NSUN3: variants seen among roughly 807,000 people sequenced by gnomAD.
The protein encoded by NSUN3 is tRNA (cytosine(34)-C(5))-methyltransferase, mitochondrial.
A neutral mutation model predicts 36.8 loss-of-function variants in NSUN3; 24 were observed. That is an observed-to-expected ratio of 0.65 (90% CI 0.47 to 0.92). The LOEUF is 0.92. NSUN3 is among the 40% of genes least tolerant of loss of function. NSUN3 has a pLI of 0.00. For synonymous variants in NSUN3, 146 were observed against 145.2 expected (o/e 1.01, Z -0.04); for missense variants, 381 against 392.8 (o/e 0.97, Z 0.25).
In NSUN3 at chr3:94,084,117, A is replaced by T. The variant is rs756133823; in HGVS notation, c.133A>T (p.Thr45Ser). ...TTTTTCTATTTCTAGGGAGATACTA[A>T]CATCTCCATCATGCTGGCAATATGC... ...DAWNTVREIL[T>S]SPSCWQYAVL... The change falls in exon 3 of 6, where the codon ACA becomes TCA. Residue 45 changes from threonine (T) to serine (S), a missense_variant. Thr to Ser is a moderately conservative substitution (Grantham distance 58). Transcript: ENST00000314622. 6.2e-7 allele frequency: 1 copy of T among 1,607,950 alleles called. No homozygotes were observed. The highest frequency in any genetic ancestry group is 1.1e-5 in the South Asian group (1 of 90,848).
chr3:94,124,821 TTTG>T (rs1175763578), intron 5 of NSUN3, among the ~76,000 whole-genome samples: 1 of 152,168 alleles, frequency 6.6e-6, no homozygotes, highest in Non-Finnish European at 1.5e-5. Flanking sequence ...GAAAGATTTT[TTTG>T]TTGTTGTTCT....
At chr3:94,114,075 A>G (rs556572824) in intron 5 of NSUN3, among the ~76,000 whole-genome samples, 17 of 152,316 alleles carry the variant, frequency 1.1e-4, no homozygotes, top group East Asian at 3.9e-4. Flanking sequence ...CTTAAGACCT[A>G]TTAATTCTAC....
intron 5 of NSUN3, among the ~76,000 whole-genome samples, chr3:94,097,377 A>G (rs1011841570): frequency 1.3e-5 from 2 of 151,398 alleles, no homozygotes; most frequent in African/African-American, 4.8e-5. Flanking sequence ...TTTTTTTTTA[A>G]CCAAATATTT....
At chr3:94,080,115 T>C (rs2077261548) in intron 2 of NSUN3, among the ~76,000 whole-genome samples, 1 of 152,116 alleles carries the variant, frequency 6.6e-6, no homozygotes, top group African/African-American at 2.4e-5. Context: ...GTGGGGTCTT[T>C]GAGTGGATGT....
chr3:94,105,396 C>T (rs1456500161), intron 5 of NSUN3, among the ~76,000 whole-genome samples: 1 of 152,208 alleles, frequency 6.6e-6, no homozygotes, highest in African/African-American at 2.4e-5. Flanking sequence ...GGAATTTGAA[C>T]TTACCATGCC....
At chr3:94,063,167 C>T (rs374944959) in intron 1 of NSUN3, 29 bp downstream of exon 1, 2 of 1,613,366 alleles carry the variant, frequency 1.2e-6, no homozygotes, top group South Asian at 2.2e-5. Context: ...CTGGGTACCT[C>T]TATCTGAATG....
intron 5 of NSUN3, among the ~76,000 whole-genome samples, chr3:94,125,410 G>T (rs2077481387): frequency 6.6e-6 from 1 of 152,164 alleles, no homozygotes; most frequent in Non-Finnish European, 1.5e-5. Flanking sequence ...TCTCTTCATG[G>T]TAGAATGCAG....
intron 2 of NSUN3, among the ~76,000 whole-genome samples, chr3:94,068,223 T>A (rs1199438121): frequency 6.6e-6 from 1 of 152,236 alleles, no homozygotes; most frequent in African/African-American, 2.4e-5. Flanking sequence ...GTGAATGGAA[T>A]GTTGTTTGAC....
intron 5 of NSUN3, among the ~76,000 whole-genome samples, chr3:94,117,295 C>T (rs911554595): frequency 9.9e-5 from 15 of 152,078 alleles, no homozygotes; most frequent in South Asian, 8.3e-4. Context: ...TCACCACGCC[C>T]GGCCTCACAA....
At chr3:94,086,174 C>A (rs987785342) in intron 3 of NSUN3, among the ~76,000 whole-genome samples, 4 of 152,146 alleles carry the variant, frequency 2.6e-5, no homozygotes, top group Non-Finnish European at 5.9e-5. Flanking sequence ...AAACTCTTGA[C>A]CTCAAGTGAT....
At chr3:94,122,053 G>A (rs1173229658) in intron 5 of NSUN3, among the ~76,000 whole-genome samples, 3 of 151,394 alleles carry the variant, frequency 2.0e-5, no homozygotes, top group Non-Finnish European at 2.9e-5. Flanking sequence ...GCTGAGGCAG[G>A]AGAATTGCTT....
chr3:94,076,188 A>C (rs1179457808), intron 2 of NSUN3: 2 of 968,616 alleles, frequency 2.1e-6, no homozygotes, highest in Admixed American at 1.7e-5. Context: ...CTGGAAGCCA[A>C]AATAGTCTCA....
At chr3:94,100,610 T>C (rs752321484) in intron 5 of NSUN3, among the ~76,000 whole-genome samples, 1 of 152,160 alleles carries the variant, frequency 6.6e-6, no homozygotes, top group Admixed American at 6.6e-5. Flanking sequence ...GCTAAAAGAA[T>C]AGATTTGTAG....
Position 94,131,624 on chromosome 3 carries a change from G to C in NSUN3, c.*5134G>C, listed in dbSNP as rs2077508659. 6.6e-6 allele frequency among the ~76,000 whole-genome samples: 1 copy of C among 152,190 alleles called. No individual in the cohort carries two copies. Among genetic ancestry groups the C allele is most frequent in the African/African-American group, 2.4e-5 (1 of 41,454 alleles). ...TGCCTTCCTTTTCTTTGCAGATGCT[G>C]AGCTGAAGAATGGAAATTTGGAGCA... On this transcript the variant is annotated 3_prime_UTR_variant, in exon 6 of 6. Transcript: ENST00000314622.
chr3:94,094,261 A>G lies in NSUN3; in HGVS notation c.588A>G (p.Lys196=), dbSNP rs770879135. 6.2e-7 allele frequency: 1 copy of G among 1,612,782 alleles called. No homozygotes were observed. The highest frequency in any genetic ancestry group is 8.5e-7 in the Non-Finnish European group (1 of 1,179,702). Residue 196 remains lysine (K), a synonymous_variant, in exon 4 of 6, where the codon AAA becomes AAG. Coordinates refer to ENST00000314622, the MANE Select transcript of NSUN3 (RefSeq NM_022072.5). ...VIKVSELDGR[K]MGDAQPEMFD... is the part of the protein sequence containing the mutation. ...AAGTGTCTGAATTGGATGGCAGAAAAATGGGAGATGCCCAGCCTGAAATGT... is the reference window on the plus strand; with the variant it reads ...AAGTGTCTGAATTGGATGGCAGAAAGATGGGAGATGCCCAGCCTGAAATGT...
chr3:94,098,695 T>C (rs544979405), intron 5 of NSUN3, among the ~76,000 whole-genome samples: 1 of 152,302 alleles, frequency 6.6e-6, no homozygotes, highest in African/African-American at 2.4e-5. Context: ...ACACAGTGTC[T>C]CATTTCTGAG....
intron 2 of NSUN3, chr3:94,081,771 A>AT (rs1460344422): frequency 6.6e-6 from 1 of 152,224 alleles, no homozygotes; most frequent in Non-Finnish European, 1.5e-5. Flanking sequence ...ATGGAGAAAC[A>AT]TATTGTGATC....
chr3:94,100,138 A>G (rs1381600309), intron 5 of NSUN3, among the ~76,000 whole-genome samples: 1 of 152,222 alleles, frequency 6.6e-6, no homozygotes, highest in Non-Finnish European at 1.5e-5. Flanking sequence ...AGAAGATGGC[A>G]CTCAGAAGTG....
In NSUN3 at chr3:94,126,485, T is replaced by C. The variant is rs1299182900; in HGVS notation, c.1018T>C (p.Trp340Arg). 2 of 1,604,140 alleles carry C rather than the reference T, an allele frequency of 1.2e-6. No homozygotes were observed. The highest frequency in any genetic ancestry group is 1.1e-5 in the South Asian group (1 of 90,714). The change falls in exon 6 of 6, where the codon TGG becomes CGG. Residue 340 changes from tryptophan (W) to arginine (R), a missense_variant. By Grantham distance (101) the Trp-to-Arg change is moderately radical. Transcript: ENST00000314622. The part of the protein sequence containing the change: ...KLKKSWSTGK[W>R] ...GAAGAAATCATGGAGCACAGGAAAA[T>C]GGTGACATGAATTTGTAAACTGTGT...
Sources: allele counts gnomAD v4.1 joint callset (sites outside exome capture counted in the v4.1 genomes callset), GRCh38; gene constraint gnomAD v4.1.1; transcripts MANE v1.5; gene names NCBI Gene and HGNC (gene_info 2026-07-23, HGNC 2026-07-21).